The following PARD3 variants were observed in gnomAD, a reference collection of about 807,000 sequenced individuals.
PARD3 encodes the protein partitioning defective 3 homolog.
A neutral mutation model predicts 155.4 loss-of-function variants in PARD3; 75 were observed. The ratio of observed to expected loss-of-function variants is 0.48; its 90% CI spans 0.40 to 0.58. The LOEUF (loss-of-function observed/expected upper bound fraction) is 0.58. Ranked by LOEUF, PARD3 falls within the 20% of genes least tolerant of loss-of-function variation. The pLI is 0.00. For missense variants in PARD3, 1,642 were observed against 1,721.7 expected (o/e 0.95, Z 0.82); for synonymous variants, 576 against 610.5 (o/e 0.94, Z 0.83).
At position 34,231,002 on chromosome 10, in the gene PARD3, G is replaced by A. The variant is rs986704897; in HGVS notation, c.3419+38655C>T. Among the ~76,000 whole-genome samples, 3 of 151,960 alleles carry A rather than the reference G, an allele frequency of 2.0e-5. No homozygotes were observed. In the East Asian group the frequency reaches 5.8e-4, roughly 29 times the overall value. On this transcript the variant is annotated intron_variant, in intron 22 of 24. Transcript: ENST00000374788. ...AATCGCACCACTAGCATTCCAGCCT[G>A]GGTGACAGAGCGAGACCCTGTATCT...
At chr10:34,726,500 TCG>T (rs201725334) in intron 1 of PARD3, among the ~76,000 whole-genome samples, 1,675 of 152,220 alleles carry the variant, frequency 0.011, 28 homozygotes, top group African/African-American at 0.039. Context: ...GCAGAATCGC[TCG>T]AGCCCAGGAG....
chr10:34,780,558 G>C (rs1840119688), intron 1 of PARD3, among the ~76,000 whole-genome samples: 1 of 152,184 alleles, frequency 6.6e-6, no homozygotes, highest in African/African-American at 2.4e-5. Flanking sequence ...GTCACAATAG[G>C]AGGAAATCGT....
At chr10:34,254,537 CGTGTGTGTGTGTGTGTGTGTGTGTGT>C (rs55901749) in intron 22 of PARD3, among the ~76,000 whole-genome samples, 2 of 145,490 alleles carry the variant, frequency 1.4e-5, no homozygotes, top group East Asian at 2.1e-4. Flanking sequence ...GGTAGGTAAA[CGTGTGTGTGTGTGTGTGTGTGTGTGT>C]GTGTGTGTGT....
intron 5 of PARD3, among the ~76,000 whole-genome samples, chr10:34,448,954 T>C (rs2076909182): frequency 6.7e-6 from 1 of 148,716 alleles, no homozygotes; most frequent in South Asian, 2.1e-4. Context: ...AGTCTCACTC[T>C]GTCGCCCAGG....
chr10:34,657,340 A>G (rs1040515992), intron 2 of PARD3, among the ~76,000 whole-genome samples: 6 of 152,194 alleles, frequency 3.9e-5, no homozygotes, highest in East Asian at 1.9e-4. Flanking sequence ...GAACTGAGAC[A>G]ATGATGTTTG....
At chr10:34,714,201 C>A (rs191078165) in intron 1 of PARD3, among the ~76,000 whole-genome samples, 7 of 152,272 alleles carry the variant, frequency 4.6e-5, no homozygotes, top group Admixed American at 3.9e-4. Context: ...ATTACTTAAT[C>A]CAAAAATGAC....
chr10:34,245,838 G>T (rs1198114440), intron 22 of PARD3, among the ~76,000 whole-genome samples: 1 of 152,198 alleles, frequency 6.6e-6, no homozygotes, highest in African/African-American at 2.4e-5. Context: ...ATGCTGTCAG[G>T]ATGCCCAGAG....
At chr10:34,570,138 TC>T (rs1362777606) in intron 2 of PARD3, among the ~76,000 whole-genome samples, 1 of 152,176 alleles carries the variant, frequency 6.6e-6, no homozygotes, top group African/African-American at 2.4e-5. Flanking sequence ...CTCTCCCAGT[TC>T]TGGCCAAAAT....
chr10:34,425,183 T>C (rs919498855), intron 5 of PARD3, among the ~76,000 whole-genome samples: 2 of 152,168 alleles, frequency 1.3e-5, no homozygotes, highest in African/African-American at 4.8e-5. Flanking sequence ...CTAAGCGTTC[T>C]CTCTTTTGTC....
intron 15 of PARD3, chr10:34,345,498 T>C (rs1589249259): frequency 1.0e-6 from 1 of 985,248 alleles, no homozygotes; most frequent in East Asian, 1.1e-4. Context: ...TCCACTAATG[T>C]CTACAAAGGA....
chr10:34,696,796 T>C (rs1240755269), intron 1 of PARD3, among the ~76,000 whole-genome samples: 1 of 151,726 alleles, frequency 6.6e-6, no homozygotes, highest in Non-Finnish European at 1.5e-5. Flanking sequence ...AGAAATATTC[T>C]AATAAGCAAA....
At chr10:34,628,596 T>C (rs1205961693) in intron 2 of PARD3, among the ~76,000 whole-genome samples, 1 of 152,150 alleles carries the variant, frequency 6.6e-6, no homozygotes, top group Non-Finnish European at 1.5e-5. Flanking sequence ...GCCTTAGCCG[T>C]TGGGGAGATA....
At chr10:34,748,613 AC>A (rs1835600520) in intron 1 of PARD3, among the ~76,000 whole-genome samples, 1 of 151,692 alleles carries the variant, frequency 6.6e-6, no homozygotes, top group South Asian at 2.1e-4. Flanking sequence ...CTGGAATCAA[AC>A]CCCCTGTAGC....
At chr10:34,548,147 T>A (rs1425860276) in intron 2 of PARD3, among the ~76,000 whole-genome samples, 1 of 152,188 alleles carries the variant, frequency 6.6e-6, no homozygotes, top group Admixed American at 6.5e-5. Flanking sequence ...GCTCTTTCTC[T>A]CTTCATTTGT....
At chr10:34,418,643 T>C (rs542737955) in intron 5 of PARD3, among the ~76,000 whole-genome samples, 1 of 152,326 alleles carries the variant, frequency 6.6e-6, no homozygotes, top group South Asian at 2.1e-4. Flanking sequence ...GTTTCAGAAA[T>C]GTTTAACTCA....
In PARD3 at chr10:34,588,889, T is replaced by C. The variant is rs80194542; in HGVS notation, c.223-71730A>G. Among the ~76,000 whole-genome samples the C allele has an allele frequency of 3.2e-3, 492 of 152,318 alleles. 1 individual carries two copies. Among genetic ancestry groups the C allele is most frequent in the African/African-American group, 0.011 (471 of 41,578 alleles). On this transcript the variant is annotated intron_variant, in intron 2 of 24. Transcript: ENST00000374788. ...AATCAAGATCTGTAGGACATTAATATAACCTCAAAGTCTGAGGGGTACTGC... is the reference window on the plus strand; with the variant it reads ...AATCAAGATCTGTAGGACATTAATACAACCTCAAAGTCTGAGGGGTACTGC...
chr10:34,563,509 G>A (rs2134083531), intron 2 of PARD3, among the ~76,000 whole-genome samples: 1 of 150,130 alleles, frequency 6.7e-6, no homozygotes, highest in South Asian at 2.1e-4. Context: ...TGTGAATATA[G>A]GTGCACGCCA....
chr10:34,341,867 T>C, intron 15 of PARD3, 51 bp from the exon 16 acceptor site: 1 of 1,098,518 alleles, frequency 9.1e-7, no homozygotes. Flanking sequence ...GATCAAAGTG[T>C]TACATCTATT....
In PARD3 at chr10:34,348,082, G is replaced by A. The variant is rs372026458; in HGVS notation, c.2101C>T (p.Leu701=). ...KSPGSPPGPE[L]PIETALDDRE... ...TCATCCAACGCTGTTTCAATGGGCA[G>A]CTCAGGTCCAGGGGGGCTCCCAGGT... The change falls in exon 15 of 25, where the codon CTG becomes TTG. Residue 701 remains leucine, a synonymous_variant. Transcript: ENST00000374788. The A allele has an allele frequency of 3.1e-6, 5 of 1,611,738 alleles. No homozygotes were observed. The African/African-American group carries it at 6.7e-5, about 22-fold the overall frequency.
Sources: allele counts gnomAD v4.1 joint callset (sites outside exome capture counted in the v4.1 genomes callset), GRCh38; gene constraint gnomAD v4.1.1; transcripts MANE v1.5; gene names NCBI Gene and HGNC (gene_info 2026-07-23, HGNC 2026-07-21).